The following LDLRAD4 variants were observed in gnomAD, a reference collection of about 807,000 sequenced individuals.
The protein encoded by LDLRAD4 is low-density lipoprotein receptor class A domain-containing protein 4.
In LDLRAD4, 5 loss-of-function variants were observed where a neutral mutation model predicts 17.0. That is an observed-to-expected ratio of 0.29 (90% CI 0.15 to 0.62). LDLRAD4 has a LOEUF of 0.62. Ranked by LOEUF, LDLRAD4 falls within the 20% of genes least tolerant of loss-of-function variation. The pLI is 0.84. For missense variants in LDLRAD4, 340 were observed against 424.7 expected (o/e 0.80, Z 1.75); for synonymous variants, 168 against 171.8 (o/e 0.98, Z 0.17).
At chr18:13,609,100 G>A (rs1400015136) in intron 3 of LDLRAD4, among the ~76,000 whole-genome samples, 5 of 152,238 alleles carry the variant, frequency 3.3e-5, no homozygotes, top group South Asian at 2.1e-4. Context: ...GATGAGGGAG[G>A]AGAGAGTGCC....
chr18:13,330,859 A>T (rs2081821855), intron 1 of LDLRAD4, among the ~76,000 whole-genome samples: 1 of 152,182 alleles, frequency 6.6e-6, no homozygotes, highest in Non-Finnish European at 1.5e-5. Flanking sequence ...ACCAGTGGCC[A>T]ATGATGTAAT....
At chr18:13,650,545 C>T (rs2043203822) in exon 6 of LDLRAD4, 2 of 396,022 alleles carry the variant, frequency 5.1e-6, no homozygotes, top group Non-Finnish European at 8.9e-6. Flanking sequence ...GGAACCAAGC[C>T]GCCCCCTCCT....
chr18:13,530,894 G>A (rs2094117222), intron 3 of LDLRAD4, among the ~76,000 whole-genome samples: 1 of 151,606 alleles, frequency 6.6e-6, no homozygotes, highest in Admixed American at 6.6e-5. Context: ...GGGGTGGGGT[G>A]GGGGGTGGTC....
At chr18:13,359,063 G>A (rs2083506944) in intron 1 of LDLRAD4, among the ~76,000 whole-genome samples, 1 of 152,230 alleles carries the variant, frequency 6.6e-6, no homozygotes. Flanking sequence ...TTTTCAGGCT[G>A]TGTTCCTAGG....
intron 1 of LDLRAD4, among the ~76,000 whole-genome samples, chr18:13,363,559 G>A (rs1568052877): frequency 6.6e-6 from 1 of 152,152 alleles, no homozygotes; most frequent in Non-Finnish European, 1.5e-5. Context: ...AGGAGCCTAG[G>A]AGTCAGCTTT....
At chr18:13,326,658 G>T (rs983728213) in intron 1 of LDLRAD4, among the ~76,000 whole-genome samples, 1 of 152,200 alleles carries the variant, frequency 6.6e-6, no homozygotes, top group Non-Finnish European at 1.5e-5. Context: ...ACTTTTCTGC[G>T]GGGTTTGGCT....
intron 3 of LDLRAD4, among the ~76,000 whole-genome samples, chr18:13,604,681 G>C (rs930044807): frequency 6.6e-6 from 1 of 152,104 alleles, no homozygotes; most frequent in Non-Finnish European, 1.5e-5. Context: ...TATTTAAAAA[G>C]CAAAATAAAA....
intron 2 of LDLRAD4, among the ~76,000 whole-genome samples, chr18:13,428,554 G>A (rs1673642841): frequency 6.6e-6 from 1 of 152,170 alleles, no homozygotes; most frequent in African/African-American, 2.4e-5. Flanking sequence ...ATCTCAGCAG[G>A]AACATCCTGA....
At chr18:13,584,631 T>C (rs989480223) in intron 3 of LDLRAD4, among the ~76,000 whole-genome samples, 1 of 152,222 alleles carries the variant, frequency 6.6e-6, no homozygotes, top group Non-Finnish European at 1.5e-5. Flanking sequence ...CATACTCATT[T>C]CTTGTTAACT....
chr18:13,270,156 A>G (rs1476096033), intron 1 of LDLRAD4, among the ~76,000 whole-genome samples: 1 of 152,064 alleles, frequency 6.6e-6, no homozygotes, highest in Non-Finnish European at 1.5e-5. Context: ...TGATCCCAGG[A>G]GTTTGAGACC....
At chr18:13,258,498 T>C (rs2043627494) in intron 1 of LDLRAD4, among the ~76,000 whole-genome samples, 1 of 152,242 alleles carries the variant, frequency 6.6e-6, no homozygotes, top group Non-Finnish European at 1.5e-5. Flanking sequence ...ATTTATTTTA[T>C]TTTTGCTTTT....
At chr18:13,390,017 T>G (rs1421242457) in intron 2 of LDLRAD4, among the ~76,000 whole-genome samples, 1 of 152,166 alleles carries the variant, frequency 6.6e-6, no homozygotes, top group African/African-American at 2.4e-5. Flanking sequence ...AATAAAAGCT[T>G]TCTATATTGG....
chr18:13,597,056 T>C (rs2095104456), intron 3 of LDLRAD4, among the ~76,000 whole-genome samples: 1 of 152,214 alleles, frequency 6.6e-6, no homozygotes, highest in South Asian at 2.1e-4. Context: ...CTGGGGTTAC[T>C]TGCTTTCAAC....
intron 1 of LDLRAD4, among the ~76,000 whole-genome samples, chr18:13,225,062 CTCA>C: frequency 1.3e-5 from 2 of 151,294 alleles, no homozygotes; most frequent in Admixed American, 6.6e-5. Flanking sequence ...TTTCTCACTC[CTCA>C]CCTCAAGTGA....
At chr18:13,618,656 C>T (rs1437881666) in intron 3 of LDLRAD4, among the ~76,000 whole-genome samples, 1 of 152,152 alleles carries the variant, frequency 6.6e-6, no homozygotes, top group African/African-American at 2.4e-5. Flanking sequence ...GTGAAGTTCT[C>T]TTGTAAAGAA....
intron 1 of LDLRAD4, among the ~76,000 whole-genome samples, chr18:13,287,014 G>A (rs1330175306): frequency 2.0e-5 from 3 of 152,164 alleles, no homozygotes; most frequent in Non-Finnish European, 4.4e-5. Context: ...TGGAGAGCCT[G>A]GACCAGCCCG....
At position 13,399,238 on chromosome 18, in the gene LDLRAD4, A is replaced by G. The variant is rs183695789; in HGVS notation, c.40+11476A>G. 2.5e-3 allele frequency among the ~76,000 whole-genome samples: 386 copies of G among 152,276 alleles called. 2 individuals are homozygous for G. The highest frequency in any genetic ancestry group is 2.7e-3 in the Non-Finnish European group (185 of 68,012). ...AAAGAAAAAAAAAGACGCTGTATGT[A>G]TTTTGCCCTAAACAGAGTGGACAGT... On this transcript the variant is annotated intron_variant, in intron 2 of 5. Coordinates refer to ENST00000359446, the Ensembl canonical transcript of LDLRAD4.
intron 1 of LDLRAD4, among the ~76,000 whole-genome samples, chr18:13,236,725 T>C (rs2042357533): frequency 6.6e-6 from 1 of 152,182 alleles, no homozygotes; most frequent in Non-Finnish European, 1.5e-5. Context: ...TCTGAGCTGC[T>C]GTTGGAGTGG....
chr18:13,325,791 C>A (rs1052758340), intron 1 of LDLRAD4, among the ~76,000 whole-genome samples: 32 of 150,924 alleles, frequency 2.1e-4, no homozygotes, highest in Non-Finnish European at 4.0e-4. Flanking sequence ...CTTGCTCTGT[C>A]GCCCAGGCTG....
Sources: allele counts gnomAD v4.1 joint callset (sites outside exome capture counted in the v4.1 genomes callset), GRCh38; gene constraint gnomAD v4.1.1; transcripts MANE v1.5; gene names NCBI Gene and HGNC (gene_info 2026-07-23, HGNC 2026-07-21).